TMEM108: variants seen among roughly 807,000 people sequenced by gnomAD.
The protein encoded by TMEM108 is cancer/testis antigen 124.
In TMEM108, 12 loss-of-function variants were observed where a neutral mutation model predicts 35.1. The observed-to-expected ratio is 0.34, with a 90% CI of 0.22 to 0.55. TMEM108 has a LOEUF of 0.55. TMEM108 is among the 20% of genes least tolerant of loss of function. TMEM108 has a pLI of 0.89. For missense variants in TMEM108, 680 were observed against 753.3 expected, an observed-to-expected ratio of 0.90 and a Z score of 1.14; for synonymous variants, 287 against 308.6, an observed-to-expected ratio of 0.93 and a Z score of 0.73.
chr3:133,343,552 C>A (rs1344858939), intron 3 of TMEM108, among the ~76,000 whole-genome samples: 1 of 151,798 alleles, frequency 6.6e-6, no homozygotes, highest in Non-Finnish European at 1.5e-5. Context: ...TAAAAGAGAA[C>A]AAGGTTGCTG....
intron 2 of TMEM108, among the ~76,000 whole-genome samples, chr3:133,146,991 G>A (rs1010092316): frequency 7.2e-5 from 11 of 152,026 alleles, no homozygotes; most frequent in African/African-American, 2.2e-4. Flanking sequence ...GTTATTTCTT[G>A]TCTTCTGCTA....
At chr3:133,039,233 C>A (rs972316221) in intron 1 of TMEM108, among the ~76,000 whole-genome samples, 1 of 152,192 alleles carries the variant, frequency 6.6e-6, no homozygotes, top group Non-Finnish European at 1.5e-5. Context: ...GACCACCACA[C>A]TGAGATTCTT....
intron 2 of TMEM108, among the ~76,000 whole-genome samples, chr3:133,132,819 C>A (rs897524020): frequency 2.0e-5 from 3 of 151,830 alleles, no homozygotes; most frequent in Non-Finnish European, 4.4e-5. Flanking sequence ...TAAGAACATT[C>A]GTGATTTATG....
At chr3:133,224,957 G>A (rs902124074) in intron 2 of TMEM108, among the ~76,000 whole-genome samples, 2 of 151,506 alleles carry the variant, frequency 1.3e-5, no homozygotes, top group African/African-American at 4.9e-5. Flanking sequence ...AATATTTCTT[G>A]TGTATCGTCT....
At chr3:133,289,968 A>G (rs1413212648) in intron 3 of TMEM108, among the ~76,000 whole-genome samples, 2 of 152,216 alleles carry the variant, frequency 1.3e-5, no homozygotes, top group African/African-American at 4.8e-5. Context: ...TACATGTTGA[A>G]CACTTACTAT....
At chr3:133,072,468 T>G (rs116102918) in intron 2 of TMEM108, among the ~76,000 whole-genome samples, 6,758 of 151,962 alleles carry the variant, frequency 0.044, 198 homozygotes, top group African/African-American at 0.064. Flanking sequence ...TAATATAAAT[T>G]ATTAAGTATT....
intron 2 of TMEM108, among the ~76,000 whole-genome samples, chr3:133,136,714 C>T (rs755388146): frequency 1.3e-5 from 2 of 152,204 alleles, no homozygotes; most frequent in Non-Finnish European, 2.9e-5. Flanking sequence ...AGGATCCCGT[C>T]ACATCCAGGC....
chr3:133,372,988 A>G (rs1576518126), intron 3 of TMEM108, among the ~76,000 whole-genome samples: 1 of 152,244 alleles, frequency 6.6e-6, no homozygotes, highest in East Asian at 1.9e-4. Flanking sequence ...CCAAGGAATT[A>G]GAAGTTTATA....
chr3:133,172,774 A>G (rs148032058), intron 2 of TMEM108, among the ~76,000 whole-genome samples: 3 of 152,286 alleles, frequency 2.0e-5, no homozygotes, highest in East Asian at 1.9e-4. Context: ...TCACCACCCA[A>G]ATCTCATCTT....
At chr3:133,177,555 A>G (rs1326836525) in intron 2 of TMEM108, among the ~76,000 whole-genome samples, 3 of 152,248 alleles carry the variant, frequency 2.0e-5, no homozygotes, top group Non-Finnish European at 4.4e-5. Flanking sequence ...AACAGAACCA[A>G]CGACAAAAAC....
chr3:133,244,252 T>TA (rs1946353659), intron 3 of TMEM108, among the ~76,000 whole-genome samples: 1 of 152,236 alleles, frequency 6.6e-6, no homozygotes, highest in Non-Finnish European at 1.5e-5. Flanking sequence ...ATGTTATTCT[T>TA]ACCATCATCA....
chr3:133,200,718 A>G (rs1263178944), intron 2 of TMEM108, among the ~76,000 whole-genome samples: 1 of 152,072 alleles, frequency 6.6e-6, no homozygotes, highest in Admixed American at 6.5e-5. Flanking sequence ...TTACACACTC[A>G]TTGTTTTTGT....
intron 3 of TMEM108, among the ~76,000 whole-genome samples, chr3:133,263,965 G>GT (rs1287593734): frequency 6.6e-6 from 1 of 152,180 alleles, no homozygotes; most frequent in Non-Finnish European, 1.5e-5. Flanking sequence ...GAATTATGGA[G>GT]TATCAGGGAA....
chr3:133,367,821 C>A (rs1004096593), intron 3 of TMEM108, among the ~76,000 whole-genome samples: 1 of 152,162 alleles, frequency 6.6e-6, no homozygotes, highest in South Asian at 2.1e-4. Flanking sequence ...AACCACTAGC[C>A]GCTGCCTCTT....
intron 2 of TMEM108, among the ~76,000 whole-genome samples, chr3:133,204,001 T>G (rs960668579): frequency 1.3e-5 from 2 of 152,146 alleles, no homozygotes; most frequent in African/African-American, 4.8e-5. Flanking sequence ...AGGGATTTGA[T>G]TTCTTCCTGG....
At position 133,374,542 on chromosome 3, in the gene TMEM108, T is replaced by TTATA. The variant is rs10580755; in HGVS notation, c.41-5191_41-5188dup. 8.9e-3 allele frequency among the ~76,000 whole-genome samples: 1,296 copies of TTATA among 145,776 alleles called. 9 individuals are homozygous for TTATA. Among genetic ancestry groups the TTATA allele is most frequent in the African/African-American group, 0.012 (456 of 39,420 alleles). The stretch of plus-strand genomic sequence containing the variant: ...TATATGTGTGTATATATAATTTTTG[T>TTATA]TATATATATATATATATATATACAC... On this transcript the variant is annotated intron_variant, in intron 3 of 5. Transcript: ENST00000321871.
chr3:133,185,264 G>T (rs1252092196), intron 2 of TMEM108, among the ~76,000 whole-genome samples: 1 of 151,928 alleles, frequency 6.6e-6, no homozygotes. Context: ...AATAGGAGAA[G>T]ATGTTTTAAG....
At chr3:133,382,771 G>T (rs966738250) in intron 4 of TMEM108, among the ~76,000 whole-genome samples, 1 of 152,112 alleles carries the variant, frequency 6.6e-6, no homozygotes, top group Non-Finnish European at 1.5e-5. Context: ...CCTTTAATGC[G>T]AACCATGATT....
At chr3:133,382,247 CCTCCAGGTTGTTGTCCAG>C (rs2073033076) in intron 4 of TMEM108, among the ~76,000 whole-genome samples, 1 of 152,234 alleles carries the variant, frequency 6.6e-6, no homozygotes, top group Non-Finnish European at 1.5e-5. Context: ...CTCCTCTGAC[CCTCCAGGTTGTTGTCCAG>C]CTCTCCTGGG....
Sources: gnomAD v4.1 joint callset for allele counts (sites outside exome capture counted in the v4.1 genomes callset) on GRCh38, gnomAD v4.1.1 for gene constraint, MANE v1.5 for transcripts, NCBI Gene and HGNC (gene_info 2026-07-23, HGNC 2026-07-21) for gene names.